The following NAV2 variants were observed in gnomAD, a reference collection of about 807,000 sequenced individuals.
NAV2 encodes the protein helicase, APC down-regulated 1.
NAV2 carries 54 observed loss-of-function variants against 223.2 expected under a neutral mutation model. The ratio of observed to expected loss-of-function variants is 0.24; its 90% CI spans 0.19 to 0.30. The LOEUF (loss-of-function observed/expected upper bound fraction) is 0.30. Among genes scored for constraint, NAV2 ranks in the 10% least tolerant of loss-of-function variants. The pLI, the probability that NAV2 is intolerant of heterozygous loss-of-function variation, is 1.00. For missense variants in NAV2, 2,806 were observed against 3,147.5 expected (o/e 0.89, Z 2.60); for synonymous variants, 1,279 against 1,239.3 (o/e 1.03, Z -0.67).
chr11:19,621,493 T>C (rs901454444), intron 1 of NAV2, among the ~76,000 whole-genome samples: 2 of 152,232 alleles, frequency 1.3e-5, no homozygotes, highest in East Asian at 3.8e-4. Context: ...GGAGAGTGTA[T>C]GTATCGAGGA....
At chr11:20,080,766 G>A (rs1217859335) in intron 25 of NAV2, among the ~76,000 whole-genome samples, 1 of 152,158 alleles carries the variant, frequency 6.6e-6, no homozygotes, top group Non-Finnish European at 1.5e-5. Flanking sequence ...ACCTCAAATA[G>A]CAAGTTTAAT....
intron 2 of NAV2, among the ~76,000 whole-genome samples, chr11:19,837,730 G>A (rs972585516): frequency 4.0e-5 from 6 of 151,832 alleles, no homozygotes; most frequent in Non-Finnish European, 8.8e-5. Flanking sequence ...GGAAGACAAA[G>A]GCTGAGAAAC....
At chr11:19,352,863 G>A (rs773288330) in intron 1 of NAV2, among the ~76,000 whole-genome samples, 2 of 152,082 alleles carry the variant, frequency 1.3e-5, no homozygotes, top group South Asian at 2.1e-4. Context: ...TAGAAATACC[G>A]CCACTGCAGT....
At chr11:19,480,550 T>C (rs2042247081) in intron 1 of NAV2, among the ~76,000 whole-genome samples, 1 of 152,198 alleles carries the variant, frequency 6.6e-6, no homozygotes, top group African/African-American at 2.4e-5. Flanking sequence ...CTGTTTACAA[T>C]GGTGTTCAGC....
chr11:19,557,571 T>C (rs902138387), intron 1 of NAV2, among the ~76,000 whole-genome samples: 6 of 152,234 alleles, frequency 3.9e-5, no homozygotes, highest in African/African-American at 1.2e-4. Context: ...AGTCTGCTGA[T>C]GGCTTAGGCA....
chr11:20,027,552 C>G, intron 11 of NAV2: 1 of 806,870 alleles, frequency 1.2e-6, no homozygotes, highest in Non-Finnish European at 1.5e-6. Context: ...GGGGGCTGGC[C>G]CAGACTGTTT....
At chr11:19,418,599 G>A (rs997630468) in intron 1 of NAV2, among the ~76,000 whole-genome samples, 4 of 152,190 alleles carry the variant, frequency 2.6e-5, no homozygotes, top group Non-Finnish European at 5.9e-5. Flanking sequence ...GAGCGTAGGG[G>A]CACATTTAAG....
chr11:19,950,509 AGTTTATT>A (rs1291070356), intron 10 of NAV2, among the ~76,000 whole-genome samples: 14 of 152,182 alleles, frequency 9.2e-5, no homozygotes, highest in African/African-American at 3.4e-4. Context: ...CAACTACTAG[AGTTTATT>A]TCAAAATGAA....
At chr11:19,644,756 AG>A (rs1351611888) in intron 1 of NAV2, among the ~76,000 whole-genome samples, 1 of 152,244 alleles carries the variant, frequency 6.6e-6, no homozygotes, top group Non-Finnish European at 1.5e-5. Flanking sequence ...TAAAGGGGAA[AG>A]TAGGCAGCAG....
At chr11:19,731,798 A>G (rs2051799392) in intron 1 of NAV2, among the ~76,000 whole-genome samples, 1 of 152,228 alleles carries the variant, frequency 6.6e-6, no homozygotes, top group Non-Finnish European at 1.5e-5. Context: ...TGAGTTTCCA[A>G]GTAAAATGAT....
intron 19 of NAV2, among the ~76,000 whole-genome samples, chr11:20,060,756 G>A (rs1189927858): frequency 2.0e-5 from 3 of 152,204 alleles, no homozygotes; most frequent in East Asian, 3.9e-4. Flanking sequence ...CAGCCTAAAC[G>A]AAGAGAACTG....
intron 1 of NAV2, among the ~76,000 whole-genome samples, chr11:19,807,320 TCCAC>T (rs1019161384): frequency 7.9e-5 from 12 of 152,084 alleles, no homozygotes; most frequent in Non-Finnish European, 1.8e-4. Context: ...GCCGGCCTCC[TCCAC>T]CCTCACCTTC....
intron 1 of NAV2, among the ~76,000 whole-genome samples, chr11:19,651,377 T>C (rs1427844144): frequency 2.0e-5 from 3 of 152,204 alleles, no homozygotes; most frequent in Non-Finnish European, 4.4e-5. Flanking sequence ...TACACTTCCC[T>C]TGGGACAGAG....
chr11:19,828,296 A>G (rs1316843028), intron 1 of NAV2, among the ~76,000 whole-genome samples: 4 of 152,234 alleles, frequency 2.6e-5, no homozygotes, highest in Admixed American at 6.5e-5. Context: ...ATTTATCTCC[A>G]GAACTTTTTC....
intron 3 of NAV2, among the ~76,000 whole-genome samples, chr11:19,859,907 C>T (rs1422775019): frequency 2.1e-5 from 3 of 140,326 alleles, no homozygotes; most frequent in South Asian, 4.7e-4. Flanking sequence ...GGCGGCTGGC[C>T]GGGCAGAGGG....
chr11:20,023,333 TCTC>T, intron 11 of NAV2, among the ~76,000 whole-genome samples: 1 of 152,030 alleles, frequency 6.6e-6, no homozygotes, highest in South Asian at 2.1e-4. Context: ...ATTCACCTCT[TCTC>T]CTCTTCCGCC....
chr11:19,992,369 G>C (rs1158931976), intron 11 of NAV2, among the ~76,000 whole-genome samples: 1 of 152,174 alleles, frequency 6.6e-6, no homozygotes, highest in Non-Finnish European at 1.5e-5. Flanking sequence ...TTCTACCAGG[G>C]GGTTATAAAG....
At position 19,684,076 on chromosome 11, in the gene NAV2, C is replaced by T. The variant is rs141102404; in HGVS notation, c.76-148408C>T. Among the ~76,000 whole-genome samples, 135 of 152,240 alleles carry T rather than the reference C, an allele frequency of 8.9e-4. 2 individuals are homozygous for T. The highest frequency in any genetic ancestry group is 2.7e-3 in the Admixed American group (41 of 15,292). The stretch of plus-strand genomic sequence containing the variant: ...TTAACTTGATTGCGAAATCCAAAAA[C>T]TGGAAATCACTGATAGAGCTTCTCT... On this transcript the variant is annotated intron_variant, in intron 1 of 37. Transcript: ENST00000360655.
At chr11:20,105,799 ACAGCACTT>A in intron 35 of NAV2, 72 bp downstream of exon 35, 1 of 1,254,090 alleles carries the variant, frequency 8.0e-7, no homozygotes, top group Admixed American at 1.9e-5. Context: ...CCTGGCCAGG[ACAGCACTT>A]TGCAGGCACA....
Sources: gnomAD v4.1 joint callset for allele counts (sites outside exome capture counted in the v4.1 genomes callset) on GRCh38, gnomAD v4.1.1 for gene constraint, MANE v1.5 for transcripts, NCBI Gene and HGNC (gene_info 2026-07-23, HGNC 2026-07-21) for gene names.